The following HS6ST3 variants were observed in gnomAD, a reference collection of about 807,000 sequenced individuals.
HS6ST3 encodes the protein heparan-sulfate 6-O-sulfotransferase 3.
A neutral mutation model predicts 36.7 loss-of-function variants in HS6ST3; 12 were observed. That is an observed-to-expected ratio of 0.33 (90% CI 0.21 to 0.53). The LOEUF is 0.53. HS6ST3 is among the 20% of genes least tolerant of loss of function. The probability of loss-of-function intolerance (pLI) is 0.95; values close to 1 mark genes in which losing one functional copy is unlikely to be tolerated. For synonymous variants in HS6ST3, 240 were observed against 257.5 expected, an observed-to-expected ratio of 0.93 and a Z score of 0.65; for missense variants, 584 against 640.9, an observed-to-expected ratio of 0.91 and a Z score of 0.96.
intron 1 of HS6ST3, among the ~76,000 whole-genome samples, chr13:96,390,106 T>C (rs1263487397): frequency 6.6e-6 from 1 of 152,156 alleles, no homozygotes; most frequent in East Asian, 1.9e-4. Flanking sequence ...GATTAGAAAA[T>C]ATCTTTAGTA....
At chr13:96,690,858 C>G (rs1010242470) in intron 1 of HS6ST3, among the ~76,000 whole-genome samples, 17 of 152,004 alleles carry the variant, frequency 1.1e-4, no homozygotes, top group Non-Finnish European at 2.5e-4. Flanking sequence ...CACTGCTCAA[C>G]TATGATTGTT....
At chr13:96,703,345 G>A (rs1875338849) in intron 1 of HS6ST3, among the ~76,000 whole-genome samples, 1 of 152,186 alleles carries the variant, frequency 6.6e-6, no homozygotes, top group African/African-American at 2.4e-5. Flanking sequence ...GTTAACCTGA[G>A]AAGCAGCTCT....
intron 1 of HS6ST3, among the ~76,000 whole-genome samples, chr13:96,525,769 C>G (rs2056111322): frequency 1.3e-5 from 2 of 152,166 alleles, no homozygotes; most frequent in African/African-American, 4.8e-5. Context: ...AATAACAAAT[C>G]TAAACATATT....
At chr13:96,108,250 C>T (rs2053851337) in intron 1 of HS6ST3, among the ~76,000 whole-genome samples, 2 of 152,158 alleles carry the variant, frequency 1.3e-5, no homozygotes. Context: ...GGATGAAACA[C>T]ACCCTAGTCT....
intron 1 of HS6ST3, among the ~76,000 whole-genome samples, chr13:96,533,679 G>A (rs1313076023): frequency 6.6e-6 from 1 of 152,090 alleles, no homozygotes; most frequent in Non-Finnish European, 1.5e-5. Context: ...AAATGAGGCC[G>A]CGGAAGCCAT....
intron 1 of HS6ST3, among the ~76,000 whole-genome samples, chr13:96,684,502 G>A (rs1013110248): frequency 3.9e-5 from 6 of 151,988 alleles, no homozygotes; most frequent in Admixed American, 2.0e-4. Context: ...AGGCTTCTCC[G>A]AAACTCAAGC....
chr13:96,377,704 A>G (rs998217878), intron 1 of HS6ST3, among the ~76,000 whole-genome samples: 7 of 152,200 alleles, frequency 4.6e-5, no homozygotes, highest in Admixed American at 3.9e-4. Context: ...TTTCCATTTG[A>G]CGTGGCCCTT....
intron 1 of HS6ST3, among the ~76,000 whole-genome samples, chr13:96,446,777 A>G (rs1440628258): frequency 2.6e-5 from 4 of 152,208 alleles, no homozygotes; most frequent in African/African-American, 7.2e-5. Flanking sequence ...AGAGCACTCT[A>G]GGACTACGCC....
intron 1 of HS6ST3, among the ~76,000 whole-genome samples, chr13:96,563,245 T>C (rs1325563195): frequency 6.6e-6 from 1 of 152,126 alleles, no homozygotes. Flanking sequence ...TCTCAGACCC[T>C]ATTCCTGGTT....
intron 1 of HS6ST3, among the ~76,000 whole-genome samples, chr13:96,408,142 G>A (rs1416109856): frequency 2.0e-5 from 3 of 152,090 alleles, no homozygotes; most frequent in African/African-American, 7.2e-5. Flanking sequence ...GTTTCATCAT[G>A]TTGGCCAGGA....
At position 96,837,145 on chromosome 13, in the gene HS6ST3, A is replaced by T. The variant is rs1878945934; in HGVS notation, c.*3947A>T. On this transcript the variant is annotated 3_prime_UTR_variant, in exon 2 of 2. Transcript: ENST00000376705. ...TGTTATTAAAGAAACAATGTGAAAT[A>T]ATGTGGAAATTAATACTGATAAAGA... 1 of 152,240 alleles carries T rather than the reference A, an allele frequency of 6.6e-6. No homozygotes were observed. The highest frequency in any genetic ancestry group is 1.9e-4 in the East Asian group (1 of 5,202). 9.4% of individuals were successfully genotyped at this position (152,240 alleles called of 1,614,324 possible). A position where few individuals can be genotyped will look rare whatever the true frequency, so the allele number is the denominator to read the frequency against.
At chr13:96,534,219 G>A (rs2056146524) in intron 1 of HS6ST3, among the ~76,000 whole-genome samples, 1 of 152,106 alleles carries the variant, frequency 6.6e-6, no homozygotes, top group Non-Finnish European at 1.5e-5. Flanking sequence ...CTGGATTCCT[G>A]TATGTCAAAG....
chr13:96,804,703 T>C (rs1453387606), intron 1 of HS6ST3, among the ~76,000 whole-genome samples: 1 of 152,162 alleles, frequency 6.6e-6, no homozygotes, highest in Non-Finnish European at 1.5e-5. Context: ...AGGAAAGCTT[T>C]CATTTCAACA....
chr13:96,611,955 A>G (rs2056458422), intron 1 of HS6ST3, among the ~76,000 whole-genome samples: 1 of 152,142 alleles, frequency 6.6e-6, no homozygotes, highest in Non-Finnish European at 1.5e-5. Context: ...CATTTGCAAG[A>G]ATGGATTCCA....
chr13:96,546,798 A>T (rs1464996117), intron 1 of HS6ST3, among the ~76,000 whole-genome samples: 1 of 152,172 alleles, frequency 6.6e-6, no homozygotes, highest in Non-Finnish European at 1.5e-5. Context: ...TGCATATTAA[A>T]GATTCAATTT....
At chr13:96,668,827 A>T (rs544417239) in intron 1 of HS6ST3, among the ~76,000 whole-genome samples, 1 of 150,580 alleles carries the variant, frequency 6.6e-6, no homozygotes, top group Non-Finnish European at 1.5e-5. Flanking sequence ...AAATCCTTGC[A>T]CATTAGTCTT....
At position 96,182,797 on chromosome 13, in the gene HS6ST3, C is replaced by G. The variant is rs182432438; in HGVS notation, c.707+91228C>G. Among the ~76,000 whole-genome samples, 21 of 152,246 alleles carry G rather than the reference C, an allele frequency of 1.4e-4. No individual in the cohort carries two copies. The East Asian group carries it at 3.5e-3, about 25-fold the overall frequency. On this transcript the variant is annotated intron_variant, in intron 1 of 1. Coordinates refer to ENST00000376705, the MANE Select transcript of HS6ST3 (RefSeq NM_153456.4). ...GGTCTCACCTTCTTATTTCTGAAGC[C>G]TCTCTTCTGAACTAAAGACCTCTGT...
intron 1 of HS6ST3, among the ~76,000 whole-genome samples, chr13:96,394,915 AT>A (rs1045752108): frequency 6.6e-6 from 1 of 152,182 alleles, no homozygotes; most frequent in African/African-American, 2.4e-5. Context: ...ACTAATGGAT[AT>A]TTTTATTATT....
In HS6ST3 at chr13:96,299,731, A is replaced by G. The variant is rs140337826; in HGVS notation, c.707+208162A>G. ...GAGTGGTATACTCAAGTTTGCACTG[A>G]AGAAAAAAATTCACTGTGACATTGG... On this transcript the variant is annotated intron_variant, in intron 1 of 1. Transcript: ENST00000376705. 7.2e-5 allele frequency among the ~76,000 whole-genome samples: 11 copies of G among 152,296 alleles called. No individual in the cohort carries two copies. In the East Asian group the frequency reaches 1.9e-3, roughly 27 times the overall value.
Sources: gnomAD v4.1 joint callset for allele counts (sites outside exome capture counted in the v4.1 genomes callset) on GRCh38, gnomAD v4.1.1 for gene constraint, MANE v1.5 for transcripts, NCBI Gene and HGNC (gene_info 2026-07-23, HGNC 2026-07-21) for gene names.